CTNNA3: variants seen among roughly 807,000 people sequenced by gnomAD.
CTNNA3 encodes catenin alpha-3.
CTNNA3 carries 76 observed loss-of-function variants against 95.7 expected under a neutral mutation model. That is an observed-to-expected ratio of 0.79 (90% CI 0.66 to 0.96). The LOEUF (loss-of-function observed/expected upper bound fraction) is 0.96. Ranked by LOEUF, CTNNA3 falls within the 40% of genes least tolerant of loss-of-function variation. The probability of loss-of-function intolerance (pLI) is 0.00; values close to 1 mark genes in which losing one functional copy is unlikely to be tolerated. For synonymous variants in CTNNA3, 431 were observed against 374.4 expected (o/e 1.15, Z -1.74); for missense variants, 1,191 against 1,089.8 (o/e 1.09, Z -1.31).
chr10:66,029,674 T>C (rs2079412033), intron 15 of CTNNA3, among the ~76,000 whole-genome samples: 1 of 152,196 alleles, frequency 6.6e-6, no homozygotes, highest in Non-Finnish European at 1.5e-5. Flanking sequence ...TTATTATTTG[T>C]CTCTGTTCAA....
chr10:67,416,855 A>G (rs1349696855), intron 5 of CTNNA3, among the ~76,000 whole-genome samples: 1 of 152,168 alleles, frequency 6.6e-6, no homozygotes, highest in Admixed American at 6.5e-5. Flanking sequence ...TGGGAATGTA[A>G]TTAGTACGGC....
intron 11 of CTNNA3, among the ~76,000 whole-genome samples, chr10:66,414,089 T>C (rs1472919181): frequency 6.6e-6 from 1 of 152,218 alleles, no homozygotes; most frequent in Non-Finnish European, 1.5e-5. Flanking sequence ...CTTTTTTGTT[T>C]GTTTATTGGT....
intron 10 of CTNNA3, among the ~76,000 whole-genome samples, chr10:66,548,374 T>C (rs1231399310): frequency 6.6e-6 from 1 of 152,202 alleles, no homozygotes; most frequent in African/African-American, 2.4e-5. Context: ...ATAATTTGTC[T>C]TTGCATTGTA....
intron 10 of CTNNA3, among the ~76,000 whole-genome samples, chr10:66,597,694 G>C (rs895303331): frequency 6.6e-6 from 1 of 150,974 alleles, no homozygotes; most frequent in African/African-American, 2.4e-5. Flanking sequence ...CAGAAAACTT[G>C]CAGGCACAGG....
At chr10:67,292,348 G>A (rs562027396) in intron 5 of CTNNA3, among the ~76,000 whole-genome samples, 1 of 152,202 alleles carries the variant, frequency 6.6e-6, no homozygotes. Flanking sequence ...AGACAGGAGG[G>A]CAGGAGAAAG....
intron 12 of CTNNA3, among the ~76,000 whole-genome samples, chr10:66,281,281 T>A (rs889282798): frequency 8.6e-5 from 13 of 151,910 alleles, no homozygotes; most frequent in African/African-American, 2.4e-4. Flanking sequence ...TCTTTTTAAA[T>A]TAAGGCTTCA....
chr10:67,760,258 A>G (rs1277346034), intron 1 of CTNNA3, among the ~76,000 whole-genome samples: 2 of 152,184 alleles, frequency 1.3e-5, no homozygotes, highest in African/African-American at 4.8e-5. Context: ...TATCTGACAT[A>G]TGCCTTCAAC....
intron 5 of CTNNA3, among the ~76,000 whole-genome samples, chr10:67,281,476 A>C (rs1839398217): frequency 6.6e-6 from 1 of 152,184 alleles, no homozygotes; most frequent in Non-Finnish European, 1.5e-5. Flanking sequence ...GCAAAGCTTA[A>C]AAGGAGCCCA....
intron 2 of CTNNA3, among the ~76,000 whole-genome samples, chr10:67,623,383 T>C (rs1055773158): frequency 3.3e-5 from 5 of 152,190 alleles, no homozygotes; most frequent in African/African-American, 1.2e-4. Context: ...TCTCTTTGCA[T>C]AAATTGATAT....
chr10:66,863,180 TAC>T (rs71035194), intron 7 of CTNNA3, among the ~76,000 whole-genome samples: 25,245 of 147,706 alleles, frequency 0.17, 2,433 homozygotes, highest in East Asian at 0.24. Context: ...GCCAATTCTT[TAC>T]ACACACACAC....
chr10:66,745,930 C>CAT (rs1019573109), intron 9 of CTNNA3, among the ~76,000 whole-genome samples: 5 of 152,018 alleles, frequency 3.3e-5, no homozygotes, highest in African/African-American at 1.2e-4. Flanking sequence ...GTGCTGATAA[C>CAT]ATAGCTGGGA....
chr10:66,398,874 C>T (rs995970215), intron 11 of CTNNA3, among the ~76,000 whole-genome samples: 4 of 152,026 alleles, frequency 2.6e-5, no homozygotes, highest in East Asian at 3.9e-4. Flanking sequence ...GTGTTATTAT[C>T]TCAGCAACCT....
At chr10:66,999,244 C>A (rs1851542140) in intron 7 of CTNNA3, among the ~76,000 whole-genome samples, 1 of 151,970 alleles carries the variant, frequency 6.6e-6, no homozygotes, top group East Asian at 1.9e-4. Flanking sequence ...TAAAAGGTAT[C>A]AGTTAAAAGA....
intron 8 of CTNNA3, 147 bp from the exon 9 acceptor site, chr10:66,766,563 T>A (rs900359490): frequency 1.6e-6 from 1 of 613,304 alleles, no homozygotes; most frequent in Non-Finnish European, 2.5e-6. Flanking sequence ...TACAAGAATG[T>A]CCCTTAAGAA....
intron 12 of CTNNA3, among the ~76,000 whole-genome samples, chr10:66,351,428 A>G (rs975778840): frequency 1.3e-5 from 2 of 152,042 alleles, no homozygotes; most frequent in African/African-American, 2.4e-5. Context: ...CTGATTCCTG[A>G]GTACCATTGT....
intron 16 of CTNNA3, among the ~76,000 whole-genome samples, chr10:65,983,585 G>A: frequency 6.6e-6 from 1 of 151,250 alleles, no homozygotes; most frequent in East Asian, 1.9e-4. Context: ...ATTGTTATAG[G>A]TAAGAATAGC....
At chr10:66,841,252 A>G (rs1213963643) in intron 7 of CTNNA3, among the ~76,000 whole-genome samples, 1 of 151,906 alleles carries the variant, frequency 6.6e-6, no homozygotes, top group East Asian at 1.9e-4. Context: ...GTGTAACTGC[A>G]GTATATGTAG....
intron 2 of CTNNA3, among the ~76,000 whole-genome samples, chr10:67,616,108 C>T (rs1479967970): frequency 6.6e-6 from 1 of 152,142 alleles, no homozygotes; most frequent in Non-Finnish European, 1.5e-5. Flanking sequence ...AAGAATAAGA[C>T]ATTTAAATAT....
chr10:66,098,225 T>C (rs554598329), intron 14 of CTNNA3, among the ~76,000 whole-genome samples: 7 of 152,312 alleles, frequency 4.6e-5, no homozygotes, highest in African/African-American at 1.7e-4. Context: ...ATTGACTCTA[T>C]AATGCTGGCT....
Sources: gnomAD v4.1 joint callset for allele counts (sites outside exome capture counted in the v4.1 genomes callset) on GRCh38, gnomAD v4.1.1 for gene constraint, MANE v1.5 for transcripts, NCBI Gene and HGNC (gene_info 2026-07-23, HGNC 2026-07-21) for gene names.